Variants in AUTS2 observed in about 807,000 individuals in gnomAD.
AUTS2 encodes activator of transcription and developmental regulator AUTS2, also known as autism susceptibility gene 2 protein.
Under a neutral mutation model 112.4 loss-of-function variants are expected in AUTS2, and 17 were observed. The observed-to-expected ratio is 0.15, with a 90% CI of 0.10 to 0.23. The LOEUF (loss-of-function observed/expected upper bound fraction) is 0.23, where lower values mean the gene tolerates loss of function less well. Among genes scored for constraint, AUTS2 ranks in the 10% least tolerant of loss-of-function variants. AUTS2 has a pLI of 1.00. For missense variants in AUTS2, 1,510 were observed against 1,701.6 expected (o/e 0.89, Z 1.98); for synonymous variants, 751 against 702.7 (o/e 1.07, Z -1.09).
At chr7:70,438,423 C>A (rs1242166322) in intron 5 of AUTS2, among the ~76,000 whole-genome samples, 1 of 152,118 alleles carries the variant, frequency 6.6e-6, no homozygotes, top group Admixed American at 6.5e-5. Context: ...AGCCATTCTT[C>A]CTTTCTACTG....
intron 1 of AUTS2, among the ~76,000 whole-genome samples, chr7:69,864,056 A>G (rs1429586445): frequency 2.0e-5 from 3 of 152,100 alleles, no homozygotes; most frequent in Non-Finnish European, 4.4e-5. Flanking sequence ...AAAATAAATC[A>G]CTGCTCCCAT....
intron 5 of AUTS2, among the ~76,000 whole-genome samples, chr7:70,634,795 C>T (rs1422384941): frequency 6.6e-6 from 1 of 152,130 alleles, no homozygotes; most frequent in East Asian, 1.9e-4. Context: ...GCAACTTCCT[C>T]CCAGAAAGGT....
chr7:70,526,395 T>C (rs1799840555), intron 5 of AUTS2, among the ~76,000 whole-genome samples: 1 of 152,164 alleles, frequency 6.6e-6, no homozygotes, highest in African/African-American at 2.4e-5. Flanking sequence ...TCTGAGGCCG[T>C]GTGCGGTGGC....
At chr7:69,974,091 T>C (rs899218765) in intron 2 of AUTS2, among the ~76,000 whole-genome samples, 1 of 151,990 alleles carries the variant, frequency 6.6e-6, no homozygotes, top group Non-Finnish European at 1.5e-5. Flanking sequence ...TTTAAGAAAT[T>C]AAATTTTCTT....
chr7:69,940,320 A>G (rs1796576692), intron 2 of AUTS2, among the ~76,000 whole-genome samples: 2 of 152,150 alleles, frequency 1.3e-5, no homozygotes, highest in South Asian at 4.1e-4. Flanking sequence ...AGGGAAGAGG[A>G]AGGCTGGGAA....
chr7:70,339,007 C>T (rs1335767177), intron 4 of AUTS2, among the ~76,000 whole-genome samples: 6 of 151,790 alleles, frequency 4.0e-5, no homozygotes, highest in South Asian at 4.2e-4. Context: ...GGACTACAGG[C>T]GCCCGCCAGC....
intron 5 of AUTS2, among the ~76,000 whole-genome samples, chr7:70,495,109 T>G (rs914241951): frequency 6.6e-6 from 1 of 152,030 alleles, no homozygotes; most frequent in African/African-American, 2.4e-5. Context: ...AGGGTGATAT[T>G]TTCCTTGGTC....
At chr7:69,988,916 G>A (rs959214789) in intron 2 of AUTS2, among the ~76,000 whole-genome samples, 2 of 152,180 alleles carry the variant, frequency 1.3e-5, no homozygotes, top group Non-Finnish European at 2.9e-5. Flanking sequence ...TGGGGGCAGG[G>A]AGGACGGGTG....
chr7:70,039,251 A>G (rs550101576), intron 2 of AUTS2, among the ~76,000 whole-genome samples: 1 of 152,306 alleles, frequency 6.6e-6, no homozygotes, highest in Non-Finnish European at 1.5e-5. Flanking sequence ...TTAATTACAA[A>G]GGGGATCCAT....
intron 4 of AUTS2, among the ~76,000 whole-genome samples, chr7:70,283,575 T>C (rs183027931): frequency 2.3e-4 from 35 of 152,312 alleles, no homozygotes; most frequent in African/African-American, 7.0e-4. Flanking sequence ...TACACACACA[T>C]ATATACATAT....
intron 2 of AUTS2, among the ~76,000 whole-genome samples, chr7:70,010,406 A>G (rs868594674): frequency 6.6e-6 from 1 of 152,148 alleles, no homozygotes; most frequent in African/African-American, 2.4e-5. Context: ...TCGGCCTCCC[A>G]AAGTGCTGGG....
chr7:70,064,281 G>A (rs565904514), intron 2 of AUTS2, among the ~76,000 whole-genome samples: 1 of 152,288 alleles, frequency 6.6e-6, no homozygotes, highest in Admixed American at 6.5e-5. Context: ...TCTGTGTACT[G>A]TGACCCGACT....
intron 4 of AUTS2, among the ~76,000 whole-genome samples, chr7:70,172,594 A>G (rs1374062099): frequency 1.3e-5 from 2 of 151,930 alleles, no homozygotes; most frequent in African/African-American, 4.8e-5. Context: ...TCACCTTTAT[A>G]TTTTTTCAAT....
At chr7:70,716,489 C>A (rs1159059062) in intron 6 of AUTS2, among the ~76,000 whole-genome samples, 1 of 151,580 alleles carries the variant, frequency 6.6e-6, no homozygotes, top group African/African-American at 2.4e-5. Flanking sequence ...AAAAATTAGC[C>A]GGATGTGGTG....
At chr7:69,783,259 T>C (rs1171118935) in intron 1 of AUTS2, among the ~76,000 whole-genome samples, 4 of 152,088 alleles carry the variant, frequency 2.6e-5, no homozygotes, top group Non-Finnish European at 5.9e-5. Flanking sequence ...GAACTCACTT[T>C]AGAGGGAGGA....
At chr7:70,305,788 G>A (rs749480056) in intron 4 of AUTS2, among the ~76,000 whole-genome samples, 1 of 152,140 alleles carries the variant, frequency 6.6e-6, no homozygotes, top group African/African-American at 2.4e-5. Flanking sequence ...TCATTTCAAG[G>A]TGCTGGAAAT....
chr7:70,564,728 C>T (rs1330789063), intron 5 of AUTS2, among the ~76,000 whole-genome samples: 1 of 152,154 alleles, frequency 6.6e-6, no homozygotes, highest in Non-Finnish European at 1.5e-5. Flanking sequence ...TTATTGTGAT[C>T]CATCAAAGCC....
intron 2 of AUTS2, among the ~76,000 whole-genome samples, chr7:69,962,459 A>G (rs1157898897): frequency 1.3e-5 from 2 of 152,210 alleles, no homozygotes; most frequent in African/African-American, 2.4e-5. Flanking sequence ...TGAGTAGGAA[A>G]GAGCATGGGG....
Position 70,788,493 on chromosome 7 carries a change from G to A in AUTS2, c.2531+1062G>A, listed in dbSNP as rs117429410. ...TGTTTATGACATTCATCTCTGAGCTGTGAACTGCCAAAATGAGGCACGCCT... is the reference window on the plus strand; with the variant it reads ...TGTTTATGACATTCATCTCTGAGCTATGAACTGCCAAAATGAGGCACGCCT... On this transcript the variant is annotated intron_variant, in intron 18 of 18. Transcript: ENST00000342771. Among the ~76,000 whole-genome samples the A allele has an allele frequency of 8.5e-5, 13 of 152,304 alleles. No individual in the cohort carries two copies. The East Asian group carries it at 1.9e-3, about 23-fold the overall frequency.
Sources: allele counts gnomAD v4.1 joint callset (sites outside exome capture counted in the v4.1 genomes callset), GRCh38; gene constraint gnomAD v4.1.1; transcripts MANE v1.5; gene names NCBI Gene and HGNC (gene_info 2026-07-23, HGNC 2026-07-21).